KCNJ6: variants seen among roughly 807,000 people sequenced by gnomAD.
The protein encoded by KCNJ6 is potassium inwardly rectifying channel subfamily J member 6.
A neutral mutation model predicts 34.2 loss-of-function variants in KCNJ6; 9 were observed. The observed-to-expected ratio is 0.26, with a 90% CI of 0.16 to 0.46. KCNJ6 has a LOEUF of 0.46. Ranked by LOEUF, KCNJ6 falls within the 20% of genes least tolerant of loss-of-function variation. The pLI, the probability that KCNJ6 is intolerant of heterozygous loss-of-function variation, is 1.00. For missense variants in KCNJ6, 236 were observed against 531.3 expected, an observed-to-expected ratio of 0.44 and a Z score of 5.46; for synonymous variants, 196 against 207.1, an observed-to-expected ratio of 0.95 and a Z score of 0.46.
At chr21:37,762,347 T>C (rs754607520) in intron 2 of KCNJ6, among the ~76,000 whole-genome samples, 1 of 152,158 alleles carries the variant, frequency 6.6e-6, no homozygotes, top group Non-Finnish European at 1.5e-5. Context: ...TCATCTAAGT[T>C]ACAGCCCTTT....
chr21:37,729,088 T>C (rs142766540), intron 2 of KCNJ6, among the ~76,000 whole-genome samples: 1 of 152,160 alleles, frequency 6.6e-6, no homozygotes, highest in Non-Finnish European at 1.5e-5. Context: ...CTACATCCCA[T>C]GAGGACCTGG....
intron 2 of KCNJ6, among the ~76,000 whole-genome samples, chr21:37,766,230 G>C (rs2055090401): frequency 6.6e-6 from 1 of 152,188 alleles, no homozygotes; most frequent in African/African-American, 2.4e-5. Flanking sequence ...TCTGTATGTG[G>C]GTGGAGTAGG....
At chr21:37,848,638 T>A (rs1383269682) in intron 1 of KCNJ6, among the ~76,000 whole-genome samples, 6 of 152,222 alleles carry the variant, frequency 3.9e-5, no homozygotes. Flanking sequence ...CAAAGATAAA[T>A]CAGATTCAAA....
At chr21:37,755,031 T>A (rs943432123) in intron 2 of KCNJ6, among the ~76,000 whole-genome samples, 2 of 152,158 alleles carry the variant, frequency 1.3e-5, no homozygotes, top group African/African-American at 2.4e-5. Context: ...TGTTCAATGA[T>A]AAAACACAGG....
chr21:37,815,287 T>C (rs2055341472), intron 2 of KCNJ6, among the ~76,000 whole-genome samples: 1 of 152,232 alleles, frequency 6.6e-6, no homozygotes, highest in Non-Finnish European at 1.5e-5. Context: ...TGTTGTAACA[T>C]AAAGGATAAA....
At chr21:37,898,506 C>T (rs2055800425) in intron 1 of KCNJ6, among the ~76,000 whole-genome samples, 2 of 150,748 alleles carry the variant, frequency 1.3e-5, no homozygotes, top group East Asian at 1.9e-4. Context: ...AGCTAGAACC[C>T]AGGAGGCGAA....
intron 1 of KCNJ6, among the ~76,000 whole-genome samples, chr21:37,846,125 T>C (rs112734330): frequency 1.3e-3 from 198 of 152,318 alleles, no homozygotes; most frequent in African/African-American, 4.6e-3. Flanking sequence ...GTCTGAACTT[T>C]ATTCCCTCTT....
rs142327165 is a variant in KCNJ6 at position 37,897,765 on chromosome 21, C to T, written c.-28+18119G>A. Among the ~76,000 whole-genome samples the T allele has an allele frequency of 1.2e-4, 18 of 152,308 alleles. No individual in the cohort carries two copies. In the East Asian group the frequency reaches 2.7e-3, roughly 23 times the overall value. ...CAGGGGTCCGTGCAGACTGGACAAT[C>T]GCATGTGTCCATCTCAGGGACAGGC... On this transcript the variant is annotated intron_variant, in intron 1 of 3. Coordinates refer to ENST00000609713, the MANE Select transcript of KCNJ6 (RefSeq NM_002240.5).
intron 3 of KCNJ6, among the ~76,000 whole-genome samples, chr21:37,705,176 C>G (rs143745291): frequency 2.6e-5 from 4 of 152,068 alleles, no homozygotes; most frequent in Non-Finnish European, 5.9e-5. Flanking sequence ...TTAATGAACT[C>G]GAATCAATAA....
chr21:37,667,068 T>A (rs994170425), intron 3 of KCNJ6, among the ~76,000 whole-genome samples: 1 of 149,416 alleles, frequency 6.7e-6, no homozygotes, highest in Non-Finnish European at 1.5e-5. Context: ...TTCACCTGTT[T>A]ATCTGCTGAC....
chr21:37,676,782 C>T (rs75143162), intron 3 of KCNJ6, among the ~76,000 whole-genome samples: 1,634 of 152,344 alleles, frequency 0.011, 34 homozygotes, highest in African/African-American at 0.037. Context: ...AGGAATGCTG[C>T]ACACAGCTTG....
chr21:37,764,245 C>T (rs906051494), intron 2 of KCNJ6, among the ~76,000 whole-genome samples: 7 of 152,234 alleles, frequency 4.6e-5, no homozygotes, highest in Admixed American at 2.6e-4. Flanking sequence ...GGACTTTCTC[C>T]TTCCAAAGTA....
chr21:37,890,465 C>T (rs1304553595), intron 1 of KCNJ6, among the ~76,000 whole-genome samples: 1 of 152,160 alleles, frequency 6.6e-6, no homozygotes, highest in Admixed American at 6.5e-5. Context: ...ATTCACATTT[C>T]TAAGTAAAAG....
intron 2 of KCNJ6, among the ~76,000 whole-genome samples, chr21:37,808,464 G>A (rs1027848837): frequency 9.9e-5 from 15 of 152,184 alleles, no homozygotes; most frequent in African/African-American, 2.7e-4. Context: ...TCTCAGAAAT[G>A]CACAAAGATA....
intron 1 of KCNJ6, among the ~76,000 whole-genome samples, chr21:37,899,391 G>A (rs923771899): frequency 1.3e-5 from 2 of 152,206 alleles, no homozygotes; most frequent in Admixed American, 1.3e-4. Flanking sequence ...ACTGTCCTTA[G>A]CTGGATTGTC....
chr21:37,649,002 G>A (rs973417621), intron 3 of KCNJ6, among the ~76,000 whole-genome samples: 2 of 137,702 alleles, frequency 1.5e-5, no homozygotes, highest in African/African-American at 5.5e-5. Flanking sequence ...TGTGGTGGCG[G>A]GTGCCTGTAA....
chr21:37,905,628 C>T (rs1454271105), intron 1 of KCNJ6, among the ~76,000 whole-genome samples: 1 of 152,172 alleles, frequency 6.6e-6, no homozygotes, highest in Non-Finnish European at 1.5e-5. Flanking sequence ...GATACCAGCC[C>T]TTATTAATGT....
intron 2 of KCNJ6, among the ~76,000 whole-genome samples, chr21:37,821,609 T>G (rs1248360894): frequency 2.6e-5 from 4 of 152,124 alleles, no homozygotes; most frequent in Non-Finnish European, 5.9e-5. Flanking sequence ...TTCCAGAAGG[T>G]AATTATTTTT....
At chr21:37,669,479 C>T (rs148482397) in intron 3 of KCNJ6, among the ~76,000 whole-genome samples, 32 of 152,172 alleles carry the variant, frequency 2.1e-4, no homozygotes, top group African/African-American at 7.7e-4. Flanking sequence ...GAAAACAAAA[C>T]AGGGAAGCCT....
Sources: allele counts gnomAD v4.1 joint callset (sites outside exome capture counted in the v4.1 genomes callset), GRCh38; gene constraint gnomAD v4.1.1; transcripts MANE v1.5; gene names NCBI Gene and HGNC (gene_info 2026-07-23, HGNC 2026-07-21).